Variants in TTLL11 observed in about 807,000 individuals in gnomAD.
The protein encoded by TTLL11 is tubulin tyrosine ligase like 11.
In TTLL11, 42 loss-of-function variants were observed where a neutral mutation model predicts 51.7. That is an observed-to-expected ratio of 0.81 (90% CI 0.64 to 1.05). The LOEUF (loss-of-function observed/expected upper bound fraction) is 1.05, where lower values mean the gene tolerates loss of function less well. Among genes scored for constraint, TTLL11 ranks in the 50% least tolerant of loss-of-function variants. The pLI, the probability that TTLL11 is intolerant of heterozygous loss-of-function variation, is 0.00. For synonymous variants in TTLL11, 381 were observed against 383.5 expected (o/e 0.99, Z 0.08); for missense variants, 799 against 940.4 (o/e 0.85, Z 1.97).
intron 1 of TTLL11, among the ~76,000 whole-genome samples, chr9:122,052,966 G>T (rs1464644505): frequency 6.6e-6 from 1 of 152,240 alleles, no homozygotes; most frequent in Non-Finnish European, 1.5e-5. Context: ...TGGCCTGGCA[G>T]ACAGTAGGAG....
At chr9:122,082,434 G>A (rs376766512) in intron 1 of TTLL11, among the ~76,000 whole-genome samples, 18 of 148,952 alleles carry the variant, frequency 1.2e-4, no homozygotes, top group African/African-American at 3.0e-4. Flanking sequence ...CCTGGGAGGC[G>A]GAAGATGCAG....
At chr9:121,973,890 G>A in intron 6 of TTLL11, 119 bp downstream of exon 6, 1 of 589,992 alleles carries the variant, frequency 1.7e-6, no homozygotes, top group East Asian at 3.1e-5. Context: ...TATTAGAATT[G>A]TTTAAGATGT....
At chr9:121,957,271 C>A (rs147806179) in intron 6 of TTLL11, among the ~76,000 whole-genome samples, 2 of 152,240 alleles carry the variant, frequency 1.3e-5, no homozygotes, top group Admixed American at 1.3e-4. Flanking sequence ...CCATAAAGGC[C>A]CTCCACCACC....
intron 4 of TTLL11, among the ~76,000 whole-genome samples, chr9:121,982,819 C>A (rs1377907354): frequency 6.6e-6 from 1 of 151,588 alleles, no homozygotes; most frequent in African/African-American, 2.4e-5. Flanking sequence ...CAAAGAATAG[C>A]AAAGAGTGAG....
At chr9:122,025,928 A>G (rs1323916735) in intron 3 of TTLL11, among the ~76,000 whole-genome samples, 1 of 152,218 alleles carries the variant, frequency 6.6e-6, no homozygotes, top group Non-Finnish European at 1.5e-5. Context: ...AAACTGTGGT[A>G]TAAACATTCA....
At chr9:122,084,152 G>A (rs1217122243) in intron 1 of TTLL11, among the ~76,000 whole-genome samples, 4 of 152,120 alleles carry the variant, frequency 2.6e-5, no homozygotes, top group South Asian at 4.2e-4. Context: ...CAGAGTTCTA[G>A]GCAGATGTAC....
intron 6 of TTLL11, among the ~76,000 whole-genome samples, chr9:121,912,384 C>G (rs779975355): frequency 4.0e-5 from 6 of 151,734 alleles, no homozygotes; most frequent in South Asian, 2.1e-4. Flanking sequence ...ACCTTCCCCC[C>G]CGCCCCCGTC....
intron 1 of TTLL11, among the ~76,000 whole-genome samples, chr9:122,055,181 C>T (rs994646021): frequency 7.0e-6 from 1 of 143,216 alleles, no homozygotes; most frequent in Non-Finnish European, 1.5e-5. Flanking sequence ...AGTCTGGGTT[C>T]TCTAGAAAGA....
chr9:122,074,299 C>T (rs546936391), intron 1 of TTLL11, among the ~76,000 whole-genome samples: 44 of 151,082 alleles, frequency 2.9e-4, no homozygotes, highest in Admixed American at 6.6e-4. Context: ...AAAAAGAGTA[C>T]CATGATGCTG....
intron 1 of TTLL11, among the ~76,000 whole-genome samples, chr9:122,069,659 C>G (rs766774152): frequency 6.6e-6 from 1 of 151,922 alleles, no homozygotes; most frequent in South Asian, 2.1e-4. Context: ...CCAGCCTGGG[C>G]GACAGAGTGA....
intron 7 of TTLL11, among the ~76,000 whole-genome samples, chr9:121,861,861 C>T (rs1231901139): frequency 6.6e-6 from 1 of 152,190 alleles, no homozygotes; most frequent in Non-Finnish European, 1.5e-5. Context: ...CAATCTGTCA[C>T]CTGAAGATTC....
At chr9:121,942,853 T>G (rs1460512443) in intron 6 of TTLL11, among the ~76,000 whole-genome samples, 1 of 151,808 alleles carries the variant, frequency 6.6e-6, no homozygotes, top group African/African-American at 2.4e-5. Context: ...TCTGATGAGC[T>G]TCTCTCATTC....
intron 6 of TTLL11, among the ~76,000 whole-genome samples, chr9:121,878,764 G>C (rs1187597167): frequency 6.6e-6 from 1 of 152,212 alleles, no homozygotes; most frequent in Non-Finnish European, 1.5e-5. Context: ...TCTCTGCCCT[G>C]CCGGCCCTGA....
At chr9:121,867,366 C>A (rs1838209417) in intron 7 of TTLL11, among the ~76,000 whole-genome samples, 1 of 152,178 alleles carries the variant, frequency 6.6e-6, no homozygotes, top group Non-Finnish European at 1.5e-5. Flanking sequence ...CTTGCCACAG[C>A]CAGCCTTCCC....
At chr9:121,878,540 C>T (rs930323411) in intron 6 of TTLL11, among the ~76,000 whole-genome samples, 8 of 152,100 alleles carry the variant, frequency 5.3e-5, no homozygotes, top group South Asian at 4.2e-4. Flanking sequence ...TTGCTGCAGG[C>T]GCATTTTCCT....
chr9:122,032,077 T>C (rs937109272), intron 2 of TTLL11, among the ~76,000 whole-genome samples: 2 of 152,256 alleles, frequency 1.3e-5, no homozygotes, highest in Non-Finnish European at 2.9e-5. Context: ...TTCTTTTCTC[T>C]TTATAAAAAT....
intron 6 of TTLL11, among the ~76,000 whole-genome samples, chr9:121,946,767 C>G (rs1841685555): frequency 6.6e-6 from 1 of 152,128 alleles, no homozygotes; most frequent in African/African-American, 2.4e-5. Flanking sequence ...CATGTTCAGG[C>G]TCCACCCCCA....
rs117947372 is a variant in TTLL11 at position 121,883,181 on chromosome 9, G to A, written c.1482-12433C>T. 4.1e-3 allele frequency among the ~76,000 whole-genome samples: 627 copies of A among 152,226 alleles called. 4 individuals are homozygous for A. The highest frequency in any genetic ancestry group is 6.8e-3 in the Middle Eastern group (2 of 294). On this transcript the variant is annotated intron_variant, in intron 6 of 8. Transcript: ENST00000321582. ...AATAATTTATGGTGATGAGAATAACGGTCATTCTGGTTCCACCCCTTACCA... is the reference window on the plus strand; with the variant it reads ...AATAATTTATGGTGATGAGAATAACAGTCATTCTGGTTCCACCCCTTACCA...
chr9:122,075,133 T>A (rs773936225), intron 1 of TTLL11, among the ~76,000 whole-genome samples: 8 of 152,172 alleles, frequency 5.3e-5, no homozygotes, highest in Non-Finnish European at 1.2e-4. Context: ...ATAACCAACA[T>A]TCATTTATCA....
Sources: gnomAD v4.1 joint callset for allele counts (sites outside exome capture counted in the v4.1 genomes callset) on GRCh38, gnomAD v4.1.1 for gene constraint, MANE v1.5 for transcripts, NCBI Gene and HGNC (gene_info 2026-07-23, HGNC 2026-07-21) for gene names.